The following DPP6 variants were observed in gnomAD, a reference collection of about 807,000 sequenced individuals.
DPP6 encodes dipeptidyl peptidase like 6.
Under a neutral mutation model 122.6 loss-of-function variants are expected in DPP6, and 69 were observed. The observed-to-expected ratio is 0.56, with a 90% confidence interval of 0.46 to 0.69. The LOEUF (loss-of-function observed/expected upper bound fraction) is 0.69. DPP6 is among the 30% of genes least tolerant of loss of function. DPP6 has a pLI of 0.00. For synonymous variants in DPP6, 418 were observed against 433.1 expected (o/e 0.97, Z 0.43); for missense variants, 928 against 1,116.9 (o/e 0.83, Z 2.41).
chr7:154,284,237 A>T (rs1357450622), intron 1 of DPP6, among the ~76,000 whole-genome samples: 2 of 152,154 alleles, frequency 1.3e-5, no homozygotes, highest in Admixed American at 6.5e-5. Flanking sequence ...TCAATGGACT[A>T]ATTGTTGCTG....
intron 1 of DPP6, among the ~76,000 whole-genome samples, chr7:154,351,155 G>A (rs147201714): frequency 5.3e-5 from 8 of 152,318 alleles, no homozygotes; most frequent in East Asian, 3.9e-4. Context: ...TGGTTAATGC[G>A]TCACTGTGCT....
intron 1 of DPP6, among the ~76,000 whole-genome samples, chr7:154,021,116 G>C (rs533470942): frequency 2.6e-5 from 4 of 152,166 alleles, no homozygotes; most frequent in Non-Finnish European, 4.4e-5. Flanking sequence ...AGGGTAAGAC[G>C]AGGACCCATC....
At chr7:154,084,989 C>CAAAAA (rs370222780) in intron 1 of DPP6, among the ~76,000 whole-genome samples, 1,347 of 78,130 alleles carry the variant, frequency 0.017, 99 homozygotes, top group African/African-American at 0.063. Context: ...GACTCCGTCT[C>CAAAAA]AAAAAAAAAA....
chr7:154,574,248 G>T (rs1431815138), intron 5 of DPP6, among the ~76,000 whole-genome samples: 10 of 147,400 alleles, frequency 6.8e-5, no homozygotes, highest in Non-Finnish European at 1.4e-4. Context: ...TGGTGTGTAT[G>T]TGTGGTGTGT....
chr7:154,728,802 G>A (rs955762249), intron 8 of DPP6, among the ~76,000 whole-genome samples: 1 of 152,224 alleles, frequency 6.6e-6, no homozygotes, highest in Non-Finnish European at 1.5e-5. Context: ...ACCTGGCAGA[G>A]TAGAGAGAGC....
intron 1 of DPP6, among the ~76,000 whole-genome samples, chr7:154,374,550 G>A (rs1812951558): frequency 6.6e-6 from 1 of 151,734 alleles, no homozygotes; most frequent in African/African-American, 2.4e-5. Flanking sequence ...TTGAGAGAAT[G>A]GGCTGACATT....
intron 1 of DPP6, among the ~76,000 whole-genome samples, chr7:154,211,479 T>A (rs1313615566): frequency 6.6e-6 from 1 of 152,148 alleles, no homozygotes; most frequent in Non-Finnish European, 1.5e-5. Context: ...GTGTTACCAG[T>A]TGATGTTGTT....
the DPP6 span, among the ~76,000 whole-genome samples, chr7:153,833,157 T>G: frequency 6.6e-6 from 1 of 152,184 alleles, no homozygotes; most frequent in Non-Finnish European, 1.5e-5. Context: ...CTTCCTAAAG[T>G]ATTCATCTCT....
intron 1 of DPP6, among the ~76,000 whole-genome samples, chr7:154,313,331 G>A (rs1466210291): frequency 6.6e-6 from 1 of 152,122 alleles, no homozygotes; most frequent in Non-Finnish European, 1.5e-5. Context: ...GGCTGCAGGG[G>A]CACACAGAGA....
intron 16 of DPP6, among the ~76,000 whole-genome samples, chr7:154,813,192 T>C (rs1005594683): frequency 6.6e-6 from 1 of 152,026 alleles, no homozygotes; most frequent in African/African-American, 2.4e-5. Context: ...GCCATTCTCC[T>C]GCCTCAGCCT....
At chr7:154,538,307 A>G (rs115970514) in intron 3 of DPP6, among the ~76,000 whole-genome samples, 4,976 of 152,168 alleles carry the variant, frequency 0.033, 274 homozygotes, top group African/African-American at 0.11. Flanking sequence ...GTAAATGTGT[A>G]CCATGGTGGT....
intron 8 of DPP6, among the ~76,000 whole-genome samples, chr7:154,758,186 G>A (rs1297564970): frequency 6.6e-6 from 1 of 152,186 alleles, no homozygotes; most frequent in Non-Finnish European, 1.5e-5. Flanking sequence ...GTTCTGTCAG[G>A]TGGCAGACAT....
chr7:154,205,889 C>A (rs911109199), intron 1 of DPP6, among the ~76,000 whole-genome samples: 5 of 152,184 alleles, frequency 3.3e-5, no homozygotes, highest in African/African-American at 1.2e-4. Flanking sequence ...GCAGCCGTGG[C>A]CTCTCTTGGT....
intron 1 of DPP6, among the ~76,000 whole-genome samples, chr7:153,966,522 A>G (rs39171): frequency 0.79 from 88,179 of 111,402 alleles, 35,369 homozygotes; most frequent in East Asian, 0.98. Context: ...GCTCCAGAGA[A>G]GGAAGTAATT....
chr7:154,060,005 C>T (rs1352332696), intron 1 of DPP6, among the ~76,000 whole-genome samples: 7 of 151,716 alleles, frequency 4.6e-5, no homozygotes. Flanking sequence ...TTGGGACCCG[C>T]ATCGCGGGAG....
chr7:154,437,504 T>C (rs1431084113), intron 1 of DPP6, among the ~76,000 whole-genome samples: 1 of 152,238 alleles, frequency 6.6e-6, no homozygotes, highest in Non-Finnish European at 1.5e-5. Flanking sequence ...GATGACAAAT[T>C]TGATTCTTGA....
chr7:154,037,014 C>G (rs1799569712), intron 1 of DPP6, among the ~76,000 whole-genome samples: 1 of 152,180 alleles, frequency 6.6e-6, no homozygotes, highest in South Asian at 2.1e-4. Flanking sequence ...ATATTCACAA[C>G]TACAATACTG....
At chr7:154,530,439 A>T (rs1181608277) in intron 3 of DPP6, among the ~76,000 whole-genome samples, 1 of 152,204 alleles carries the variant, frequency 6.6e-6, no homozygotes, top group East Asian at 1.9e-4. Flanking sequence ...AACCATAATG[A>T]GACACCATCT....
At chr7:154,625,212 A>G (rs1019685662) in intron 5 of DPP6, among the ~76,000 whole-genome samples, 1 of 152,222 alleles carries the variant, frequency 6.6e-6, no homozygotes, top group African/African-American at 2.4e-5. Flanking sequence ...CAGCTGATGA[A>G]AAGTTAAGGA....
Sources: gnomAD v4.1 joint callset for allele counts (sites outside exome capture counted in the v4.1 genomes callset) on GRCh38, gnomAD v4.1.1 for gene constraint, MANE v1.5 for transcripts, NCBI Gene and HGNC (gene_info 2026-07-23, HGNC 2026-07-21) for gene names.